SLC8A1: variants seen among roughly 807,000 people sequenced by gnomAD.
SLC8A1 encodes solute carrier family 8 member A1, also known as sodium/calcium exchanger 1.
A neutral mutation model predicts 68.3 loss-of-function variants in SLC8A1; 18 were observed. That is an observed-to-expected ratio of 0.26 (90% CI 0.18 to 0.39). The LOEUF (loss-of-function observed/expected upper bound fraction) is 0.39. Among genes scored for constraint, SLC8A1 ranks in the 10% least tolerant of loss-of-function variants. The probability of loss-of-function intolerance (pLI) is 1.00; values close to 1 mark genes in which losing one functional copy is unlikely to be tolerated. For synonymous variants in SLC8A1, 475 were observed against 415.5 expected (o/e 1.14, Z -1.74); for missense variants, 985 against 1,156.7 (o/e 0.85, Z 2.15).
intron 2 of SLC8A1, among the ~76,000 whole-genome samples, chr2:40,309,502 C>CTTTT (rs34863585): frequency 2.4e-3 from 295 of 123,254 alleles, no homozygotes; most frequent in East Asian, 5.3e-3. Context: ...GAATATTTTA[C>CTTTT]TTTTTTTTTT....
At chr2:40,205,967 T>C (rs1255960041) in intron 2 of SLC8A1, among the ~76,000 whole-genome samples, 3 of 152,044 alleles carry the variant, frequency 2.0e-5, no homozygotes, top group Non-Finnish European at 4.4e-5. Context: ...TTTGTCCTTG[T>C]ATGATTTGGT....
chr2:40,210,644 G>GA (rs374116683), intron 2 of SLC8A1, among the ~76,000 whole-genome samples: 7 of 152,280 alleles, frequency 4.6e-5, no homozygotes, highest in African/African-American at 1.4e-4. Context: ...GGGTAAATCT[G>GA]AAATGCAAAT....
chr2:40,497,572 GA>G (rs1469841959), intron 1 of SLC8A1, among the ~76,000 whole-genome samples: 1 of 151,844 alleles, frequency 6.6e-6, no homozygotes, highest in Non-Finnish European at 1.5e-5. Flanking sequence ...TTCATCAAGT[GA>G]AAAAGGAGGG....
intron 2 of SLC8A1, among the ~76,000 whole-genome samples, chr2:40,395,435 G>A (rs1436123183): frequency 6.6e-6 from 1 of 152,028 alleles, no homozygotes; most frequent in Non-Finnish European, 1.5e-5. Context: ...TTTTATCACT[G>A]GCACTCTTAG....
At chr2:40,365,417 T>A (rs1180234539) in intron 2 of SLC8A1, among the ~76,000 whole-genome samples, 1 of 152,128 alleles carries the variant, frequency 6.6e-6, no homozygotes, top group African/African-American at 2.4e-5. Context: ...TTTACAATTA[T>A]CCGAATATTT....
At chr2:40,449,612 TCAA>T (rs1463892317) in intron 1 of SLC8A1, among the ~76,000 whole-genome samples, 1 of 152,216 alleles carries the variant, frequency 6.6e-6, no homozygotes, top group Non-Finnish European at 1.5e-5. Flanking sequence ...CTTCCCCTGG[TCAA>T]CAAAAGGGCT....
At chr2:40,296,096 C>A (rs1467335453) in intron 2 of SLC8A1, among the ~76,000 whole-genome samples, 4 of 152,074 alleles carry the variant, frequency 2.6e-5, no homozygotes, top group Non-Finnish European at 5.9e-5. Flanking sequence ...CTCAGTTTTG[C>A]AAGGAAATAA....
chr2:40,415,859 TACACACACACACACACACACACAC>T lies in SLC8A1; in HGVS notation c.1808+12590_1808+12613del, dbSNP rs70957173. Among the ~76,000 whole-genome samples, 462 of 113,588 alleles carry T rather than the reference TACACACACACACACACACACACAC, an allele frequency of 4.1e-3. 1 individual carries two copies. The highest frequency in any genetic ancestry group is 0.014 in the African/African-American group (398 of 29,440). The allele number at this position is 113,588 out of a possible 152,430, so 74.5% of individuals were successfully genotyped here. On this transcript the variant is annotated intron_variant, in intron 2 of 7. Coordinates refer to ENST00000406785, the Ensembl canonical transcript of SLC8A1. ...TGAAACCCCATCTCTACTAAAAGTA[TACACACACACACACACACACACAC>T]ACACACACACACACACACACACACA...
chr2:40,279,546 G>T (rs1240986095), intron 2 of SLC8A1, among the ~76,000 whole-genome samples: 3 of 152,168 alleles, frequency 2.0e-5, no homozygotes, highest in Non-Finnish European at 2.9e-5. Flanking sequence ...GAGGAAGAAA[G>T]CAAGACCTAT....
rs556840645 is a variant in SLC8A1 at position 40,154,017 on chromosome 2, G to C, written c.2161+6748C>G. ...CTTGAAACCTAAACTAAAGTTGTAGGAGGAACACCTAGGATTGAGCTGAAA... is the reference window on the plus strand; with the variant it reads ...CTTGAAACCTAAACTAAAGTTGTAGCAGGAACACCTAGGATTGAGCTGAAA... On this transcript the variant is annotated intron_variant, in intron 6 of 7. Coordinates refer to ENST00000406785, the Ensembl canonical transcript of SLC8A1. Among the ~76,000 whole-genome samples the C allele has an allele frequency of 3.3e-5, 5 of 152,304 alleles. No homozygotes were observed. In the East Asian group the frequency reaches 9.7e-4, roughly 29 times the overall value.
chr2:40,354,725 AG>A (rs1450024672), intron 2 of SLC8A1, among the ~76,000 whole-genome samples: 1 of 152,232 alleles, frequency 6.6e-6, no homozygotes, highest in African/African-American at 2.4e-5. Flanking sequence ...TCTTAAGAAA[AG>A]AAAAAGGGAG....
chr2:40,264,825 T>G (rs1225050190), intron 2 of SLC8A1, among the ~76,000 whole-genome samples: 3 of 121,276 alleles, frequency 2.5e-5, no homozygotes, highest in African/African-American at 1.0e-4. Flanking sequence ...GTTGTGCACA[T>G]GTACCCTAAA....
intron 2 of SLC8A1, among the ~76,000 whole-genome samples, chr2:40,281,224 T>C (rs927747484): frequency 6.6e-6 from 1 of 151,850 alleles, no homozygotes; most frequent in African/African-American, 2.4e-5. Context: ...ATTTCATTCC[T>C]GAGACATTTT....
chr2:40,372,753 T>C (rs1270246687), intron 2 of SLC8A1, among the ~76,000 whole-genome samples: 1 of 152,062 alleles, frequency 6.6e-6, no homozygotes, highest in African/African-American at 2.4e-5. Flanking sequence ...AGAAGATACT[T>C]CCTCCCCTGT....
intron 1 of SLC8A1, among the ~76,000 whole-genome samples, chr2:40,507,947 A>G (rs561495140): frequency 2.6e-5 from 4 of 152,240 alleles, no homozygotes; most frequent in African/African-American, 9.6e-5. Context: ...TTTTTATTTC[A>G]TAGAATGTAT....
In SLC8A1 at chr2:40,249,508, T is replaced by A. The variant is rs906144989; in HGVS notation, c.1809-71653A>T. Among the ~76,000 whole-genome samples, 8 of 152,334 alleles carry A rather than the reference T, an allele frequency of 5.3e-5. No individual in the cohort carries two copies. The South Asian group carries it at 1.2e-3, about 24-fold the overall frequency. ...GTGCTTAAATGGGTGGAGAGGCCTGTGCCACAGTCTCCAACAAGGTGTCAA... is the reference window on the plus strand; with the variant it reads ...GTGCTTAAATGGGTGGAGAGGCCTGAGCCACAGTCTCCAACAAGGTGTCAA... On this transcript the variant is annotated intron_variant, in intron 2 of 7. Transcript: ENST00000406785.
intron 2 of SLC8A1, among the ~76,000 whole-genome samples, chr2:40,414,242 C>T (rs1232953508): frequency 6.6e-6 from 1 of 152,084 alleles, no homozygotes; most frequent in African/African-American, 2.4e-5. Context: ...ATCTTAAGAC[C>T]AAAACTCTGG....
At chr2:40,100,033 C>T (rs1256807529) in exon 8 of SLC8A1, 5 of 152,018 alleles carry the variant, frequency 3.3e-5, no homozygotes, top group Admixed American at 1.3e-4. Flanking sequence ...CCAGGCAAGT[C>T]CTGTTGTAAT....
intron 2 of SLC8A1, among the ~76,000 whole-genome samples, chr2:40,271,173 C>T (rs535537493): frequency 9.2e-6 from 1 of 108,374 alleles, no homozygotes; most frequent in Non-Finnish European, 1.7e-5. Context: ...CCCCCAAGCC[C>T]CCCTCATATG....
Sources: allele counts gnomAD v4.1 joint callset (sites outside exome capture counted in the v4.1 genomes callset), GRCh38; gene constraint gnomAD v4.1.1; transcripts MANE v1.5; gene names NCBI Gene and HGNC (gene_info 2026-07-23, HGNC 2026-07-21).